Variants in MCM5 observed in about 807,000 individuals in gnomAD.
The protein encoded by MCM5 is DNA replication licensing factor MCM5.
MCM5 carries 46 observed loss-of-function variants against 79.9 expected under a neutral mutation model. That is an observed-to-expected ratio of 0.58 (90% CI 0.45 to 0.74). The LOEUF is 0.74. Among genes scored for constraint, MCM5 ranks in the 30% least tolerant of loss-of-function variants. The probability of loss-of-function intolerance (pLI) is 0.00; values close to 1 mark genes in which losing one functional copy is unlikely to be tolerated. For synonymous variants in MCM5, 404 were observed against 390.5 expected (o/e 1.03, Z -0.41); for missense variants, 883 against 1,017.0 (o/e 0.87, Z 1.79).
rs756454293 is a variant in MCM5 at position 35,421,565 on chromosome 22, TTC to T, written c.1975+109_1975+110del. ...TGGGGGCCTGCAGTGTGTGTCTTGC[TTC>T]TCTGAGTTTGCTGAGCTTCTCTGAG... is the stretch of plus-strand genomic sequence containing the variant. On this transcript the variant is annotated intron_variant, in intron 15 of 16. Transcript: ENST00000216122. The T allele has an allele frequency of 4.7e-6, 7 of 1,489,748 alleles. No individual in the cohort carries two copies. In the African/African-American group the frequency reaches 8.3e-5, roughly 18 times the overall value. The allele number at this position is 1,489,748 out of a possible 1,614,324, so 92.3% of individuals were successfully genotyped here.
chr22:35,423,116 C>T, intron 15 of MCM5, 98 bp from the exon 16 acceptor site: 1 of 1,352,256 alleles, frequency 7.4e-7, no homozygotes, highest in South Asian at 1.5e-5. Flanking sequence ...CTCTTCGGGG[C>T]CTGGCTCAGG....
chr22:35,428,849 C>T (rs1444664817), downstream of MCM5, among the ~76,000 whole-genome samples: 4 of 151,826 alleles, frequency 2.6e-5, no homozygotes, highest in Non-Finnish European at 5.9e-5. Flanking sequence ...TGGTTATTCA[C>T]AGGCATAGTC....
At chr22:35,408,647 A>C (rs1932289696) in intron 6 of MCM5, 84 bp downstream of exon 6, 4 of 1,479,474 alleles carry the variant, frequency 2.7e-6, no homozygotes, top group Non-Finnish European at 3.7e-6. Flanking sequence ...GGAGTGGGTC[A>C]TCTGGAGCAG....
At chr22:35,416,538 T>TAAAC in intron 11 of MCM5, 100 bp from the exon 12 acceptor site, 27 of 733,368 alleles carry the variant, frequency 3.7e-5, no homozygotes, top group Middle Eastern at 2.5e-4. Flanking sequence ...TGTGTGTGTG[T>TAAAC]GTGTGTGTGT....
the MCM5 span, among the ~76,000 whole-genome samples, chr22:35,431,778 G>C: frequency 6.6e-6 from 1 of 152,182 alleles, no homozygotes; most frequent in Admixed American, 6.5e-5. Flanking sequence ...TACTCCTTTA[G>C]AGTTGAAGGG....
In MCM5 at chr22:35,424,409, G is replaced by GC; in HGVS notation, c.*154_*155insC. ...TTCTGCCCCAGAGGAAGGAGCTGTA[G>GC]TGTCCTGCTGCCTCTGGGCGCCCGC... On this transcript the variant is annotated 3_prime_UTR_variant, in exon 17 of 17. Coordinates refer to ENST00000216122, the MANE Select transcript of MCM5 (RefSeq NM_006739.4). The GC allele has an allele frequency of 3.4e-6, 2 of 596,016 alleles. No individual in the cohort carries two copies. The highest frequency in any genetic ancestry group is 2.2e-5 in the South Asian group (1 of 45,942). 36.9% of individuals were successfully genotyped at this position (596,016 alleles called of 1,614,324 possible).
At chr22:35,420,622 C>T (rs989309129) in intron 14 of MCM5, among the ~76,000 whole-genome samples, 2 of 152,248 alleles carry the variant, frequency 1.3e-5, no homozygotes, top group African/African-American at 4.8e-5. Flanking sequence ...CTCCCCCTTA[C>T]TCTTAGTCCG....
chr22:35,423,442 C>G (rs1932744556), intron 16 of MCM5, 101 bp downstream of exon 16: 1 of 1,349,602 alleles, frequency 7.4e-7, no homozygotes, highest in African/African-American at 1.5e-5. Flanking sequence ...CAGACAGGCC[C>G]TGAACGGGGG....
Position 35,416,671 on chromosome 22 carries a change from T to C in MCM5, c.1447T>C (p.Ser483Pro). 6.2e-7 allele frequency: 1 copy of C among 1,614,020 alleles called. No individual in the cohort carries two copies. The highest frequency in any genetic ancestry group is 1.1e-5 in the South Asian group (1 of 91,076). The change falls in exon 12 of 17, where the codon TCC becomes CCC. Residue 483 changes from serine (S) to proline (P), a missense_variant. By Grantham distance (74) the Ser-to-Pro change is moderately conservative. This residue lies in a region of MCM5 where 426 missense variants were observed against 482.3 expected (regional missense o/e 0.88). Coordinates refer to ENST00000216122, the MANE Select transcript of MCM5 (RefSeq NM_006739.4). ...CACCACCACCCTGAACTCCCGCTGC[T>C]CCGTCCTGGCTGCTGCCAACTCAGT... The part of the protein sequence containing the change: ...GITTTLNSRC[S>P]VLAAANSVFG...
chr22:35,444,320 AG>A, the MCM5 span, among the ~76,000 whole-genome samples: 1 of 151,820 alleles, frequency 6.6e-6, no homozygotes, highest in African/African-American at 2.4e-5. Context: ...AGGTAATTCA[AG>A]GGGGAAGCAG....
chr22:35,413,984 G>C lies in MCM5; in HGVS notation c.1201G>C (p.Gly401Arg), dbSNP rs766893098. Residue 401 changes from glycine (G) to arginine (R), a missense_variant and splice_region_variant, in exon 9 of 17, where the codon GGG (glycine) becomes CGG (arginine). Physicochemically the swap from Gly to Arg is moderately radical, Grantham distance 125. Coordinates refer to ENST00000216122, the MANE Select transcript of MCM5 (RefSeq NM_006739.4). ...GTTTGTGGAGAAGTGTTCTCCCATT[G>C]GGGTGAGTGGCCTGGGATACCTTTG... ...LKFVEKCSPIGVYTSGKGSSA... is the reference protein window; with the variant it reads ...LKFVEKCSPIRVYTSGKGSSA... 1 of 1,609,150 alleles carries C rather than the reference G, an allele frequency of 6.2e-7. No individual in the cohort carries two copies. The highest frequency in any genetic ancestry group is 8.5e-7 in the Non-Finnish European group (1 of 1,175,510).
chr22:35,426,710 G>A (rs760660142), downstream of MCM5, among the ~76,000 whole-genome samples: 16 of 152,190 alleles, frequency 1.1e-4, no homozygotes, highest in East Asian at 1.9e-4. Flanking sequence ...GCCTGGCCCC[G>A]GGGAGGTGCT....
the MCM5 span, among the ~76,000 whole-genome samples, chr22:35,439,972 T>G: frequency 6.6e-6 from 1 of 152,296 alleles, no homozygotes; most frequent in South Asian, 2.1e-4. Context: ...AACGTGAAAG[T>G]GAACCTGAAA....
chr22:35,437,395 T>C, the MCM5 span, among the ~76,000 whole-genome samples: 1 of 152,114 alleles, frequency 6.6e-6, no homozygotes, highest in Non-Finnish European at 1.5e-5. Flanking sequence ...TAACAAGAGT[T>C]GGGTGGGCCA....
chr22:35,439,271 TCATC>T, the MCM5 span, among the ~76,000 whole-genome samples: 1 of 142,716 alleles, frequency 7.0e-6, no homozygotes, highest in African/African-American at 2.7e-5. Context: ...ATCCATCCAA[TCATC>T]CATCCATCCA....
chr22:35,454,867 T>G, the MCM5 span, among the ~76,000 whole-genome samples: 1 of 152,002 alleles, frequency 6.6e-6, no homozygotes, highest in Non-Finnish European at 1.5e-5. Context: ...GCACCCCTGG[T>G]CTCCACCCAC....
chr22:35,406,936 C>T (rs765751483), intron 5 of MCM5, among the ~76,000 whole-genome samples: 8 of 152,204 alleles, frequency 5.3e-5, no homozygotes, highest in Non-Finnish European at 1.2e-4. Flanking sequence ...ACTTCTGTCT[C>T]ACCAGGATAC....
Position 35,424,137 on chromosome 22 carries a change from G to A in MCM5, c.2104-17G>A, listed in dbSNP as rs895542429. 4.6e-6 allele frequency: 7 copies of A among 1,532,516 alleles called. No homozygotes were observed. The highest frequency in any genetic ancestry group is 6.2e-6 in the Non-Finnish European group (7 of 1,131,238). The allele number at this position is 1,532,516 out of a possible 1,614,324, so 94.9% of individuals were successfully genotyped here. On this transcript the variant is annotated splice_polypyrimidine_tract_variant and intron_variant, in intron 16 of 16. Transcript: ENST00000216122. ...CTCGGGCAGCACGTGCCGTTAGCCA[G>A]CCATGTGCTCCCACAGAAATACCCG...
the MCM5 span, among the ~76,000 whole-genome samples, chr22:35,449,473 C>T: frequency 2.6e-5 from 4 of 151,566 alleles, no homozygotes; most frequent in Non-Finnish European, 4.4e-5. Context: ...TTCCCAGTTG[C>T]GGCTTCTCTG....
Sources: gnomAD v4.1 joint callset for allele counts (sites outside exome capture counted in the v4.1 genomes callset) on GRCh38, gnomAD v4.1.1 for gene constraint, gnomAD v4.1.1 regional missense constraint, MANE v1.5 for transcripts, NCBI Gene and HGNC (gene_info 2026-07-23, HGNC 2026-07-21) for gene names.